FOXO1: variants seen among roughly 807,000 people sequenced by gnomAD.
FOXO1 encodes the protein forkhead box protein O1.
Under a neutral mutation model 44.1 loss-of-function variants are expected in FOXO1, and 6 were observed. That is an observed-to-expected ratio of 0.14 (90% CI 0.07 to 0.27). FOXO1 has a LOEUF of 0.27. FOXO1 is among the 10% of genes least tolerant of loss of function. The pLI is 1.00. For missense variants in FOXO1, 737 were observed against 888.8 expected, an observed-to-expected ratio of 0.83 and a Z score of 2.17; for synonymous variants, 380 against 362.7, an observed-to-expected ratio of 1.05 and a Z score of -0.54.
In FOXO1 at chr13:40,557,263, T is replaced by C. The variant is rs1873791397; in HGVS notation, c.*1786A>G. 3 of 152,192 alleles carry C rather than the reference T, an allele frequency of 2.0e-5. No homozygotes were observed. The highest frequency in any genetic ancestry group is 1.3e-4 in the Admixed American group (2 of 15,280). 9.4% of individuals were successfully genotyped at this position (152,192 alleles called of 1,614,324 possible). On this transcript the variant is annotated 3_prime_UTR_variant, in exon 3 of 3. Transcript: ENST00000379561. ...ACCTGTTCTCTTCATTGTGATGACT[T>C]TGGGCTTTCCACATGACTTGAAAAT...
At position 40,630,743 on chromosome 13, in the gene FOXO1, A is replaced by T. The variant is rs138453303; in HGVS notation, c.630+34840T>A. On this transcript the variant is annotated intron_variant, in intron 1 of 2. Transcript: ENST00000379561. Reference sequence around the variant, plus strand: ...AGCCTAAAACTATTTTTCCCTTCCCATACTGTGAAGACTACAAGCTTTGCC... The same window carrying T: ...AGCCTAAAACTATTTTTCCCTTCCCTTACTGTGAAGACTACAAGCTTTGCC... Among the ~76,000 whole-genome samples the T allele has an allele frequency of 2.0e-3, 304 of 151,844 alleles. 1 individual carries two copies. Among genetic ancestry groups the T allele is most frequent in the African/African-American group, 7.1e-3 (293 of 41,412 alleles).
At chr13:40,650,612 A>G (rs572096992) in intron 1 of FOXO1, among the ~76,000 whole-genome samples, 25 of 152,356 alleles carry the variant, frequency 1.6e-4, no homozygotes, top group African/African-American at 4.8e-4. Flanking sequence ...CTCCTCAAGC[A>G]CAGGGACAGG....
intron 1 of FOXO1, among the ~76,000 whole-genome samples, chr13:40,574,290 G>C (rs1198892847): frequency 6.6e-6 from 1 of 152,190 alleles, no homozygotes; most frequent in Non-Finnish European, 1.5e-5. Context: ...TGGTCCAGTA[G>C]GAAGAGTACT....
chr13:40,629,908 T>C (rs1876906080), intron 1 of FOXO1, among the ~76,000 whole-genome samples: 1 of 152,218 alleles, frequency 6.6e-6, no homozygotes, highest in Non-Finnish European at 1.5e-5. Context: ...GCTAGTAAAG[T>C]GAGCATAAAT....
At chr13:40,631,506 C>T (rs535363217) in intron 1 of FOXO1, among the ~76,000 whole-genome samples, 3 of 152,228 alleles carry the variant, frequency 2.0e-5, no homozygotes, top group South Asian at 2.1e-4. Flanking sequence ...AGGACACCAC[C>T]GTTTGTACAT....
At position 40,558,947 on chromosome 13, in the gene FOXO1, A is replaced by G; in HGVS notation, c.*102T>C. ...TTTTTGTTTTTTTTTTTAACCAAGA[A>G]AACTAAAAGGGAGTTGGTGAAAGAC... On this transcript the variant is annotated 3_prime_UTR_variant, in exon 3 of 3. Coordinates refer to ENST00000379561, the MANE Select transcript of FOXO1 (RefSeq NM_002015.4). 2.5e-6 allele frequency: 1 copy of G among 398,704 alleles called. No individual in the cohort carries two copies. Among genetic ancestry groups the G allele is most frequent in the African/African-American group, 2.1e-5 (1 of 48,664 alleles). The allele number at this position is 398,704 out of a possible 1,614,324, so 24.7% of individuals were successfully genotyped here.
intron 1 of FOXO1, among the ~76,000 whole-genome samples, chr13:40,650,472 C>T (rs891171527): frequency 6.6e-6 from 1 of 152,122 alleles, no homozygotes; most frequent in African/African-American, 2.4e-5. Context: ...GACAAAACTA[C>T]TTTTTAAGAG....
intron 1 of FOXO1, among the ~76,000 whole-genome samples, chr13:40,580,242 T>C (rs1369569231): frequency 2.0e-5 from 3 of 152,174 alleles, no homozygotes; most frequent in Non-Finnish European, 4.4e-5. Context: ...GAAATATATA[T>C]AATGTTTATA....
At chr13:40,594,210 T>C (rs979259533) in intron 1 of FOXO1, among the ~76,000 whole-genome samples, 3 of 152,078 alleles carry the variant, frequency 2.0e-5, no homozygotes, top group Non-Finnish European at 4.4e-5. Context: ...AGTTAATGGA[T>C]AGTGAACAAA....
chr13:40,618,473 C>T (rs1451042825), intron 1 of FOXO1, among the ~76,000 whole-genome samples: 7 of 152,200 alleles, frequency 4.6e-5, no homozygotes, highest in African/African-American at 1.2e-4. Context: ...TTCCACAGAA[C>T]GGGATTGTAT....
chr13:40,644,462 G>A (rs772394053), intron 1 of FOXO1, among the ~76,000 whole-genome samples: 3 of 152,084 alleles, frequency 2.0e-5, no homozygotes, highest in East Asian at 1.9e-4. Context: ...AAGGAGGACC[G>A]ATTAGAAGCC....
chr13:40,653,966 T>C (rs1877768915), intron 1 of FOXO1, among the ~76,000 whole-genome samples: 1 of 151,976 alleles, frequency 6.6e-6, no homozygotes, highest in Non-Finnish European at 1.5e-5. Context: ...GAACAGCAAT[T>C]GAGAAAAACT....
intron 1 of FOXO1, among the ~76,000 whole-genome samples, chr13:40,663,067 G>A (rs1036812681): frequency 1.3e-5 from 2 of 152,164 alleles, no homozygotes; most frequent in African/African-American, 4.8e-5. Flanking sequence ...TAAACCAACT[G>A]ACATTACACC....
chr13:40,645,969 A>G (rs1448665522), intron 1 of FOXO1, among the ~76,000 whole-genome samples: 1 of 151,794 alleles, frequency 6.6e-6, no homozygotes, highest in Non-Finnish European at 1.5e-5. Flanking sequence ...GGTGAGGCTG[A>G]GGCAGGAGAA....
chr13:40,624,317 TAAAAAAA>T (rs10552634), intron 1 of FOXO1, among the ~76,000 whole-genome samples: 2 of 100,952 alleles, frequency 2.0e-5, no homozygotes, highest in African/African-American at 6.8e-5. Flanking sequence ...TAATACTGCT[TAAAAAAA>T]AAAAAAAAAA....
chr13:40,615,528 A>AATACATAC (rs56390235), intron 1 of FOXO1, among the ~76,000 whole-genome samples: 1,658 of 139,786 alleles, frequency 0.012, 25 homozygotes, highest in African/African-American at 0.033. Context: ...CTCCATCTCA[A>AATACATAC]ATACATACAT....
At chr13:40,599,908 A>C (rs1432158569) in intron 1 of FOXO1, among the ~76,000 whole-genome samples, 1 of 152,186 alleles carries the variant, frequency 6.6e-6, no homozygotes, top group Non-Finnish European at 1.5e-5. Context: ...AGCAGAGTGA[A>C]GGAGGAAACT....
Position 40,665,859 on chromosome 13 carries a change from C to T in FOXO1, c.354G>A (p.Leu118=). 1 of 1,129,054 alleles carries T rather than the reference C, an allele frequency of 8.9e-7. No individual in the cohort carries two copies. The allele number at this position is 1,129,054 out of a possible 1,614,324, so 69.9% of individuals were successfully genotyped here. A position where few individuals can be genotyped will look rare whatever the true frequency, so the allele number is the denominator to read the frequency against. ...GCGGGGGCTGCGGTGGCGCTGGGTG[C>T]AGGCAGCCCGCCTCCGGGCCCTGGA... is the stretch of plus-strand genomic sequence containing the variant. ...GDFQGPEAGC[L]HPAPPQPPPP... is the part of the protein sequence containing the mutation. The change falls in exon 1 of 3, where the codon CTG becomes CTA. Residue 118 remains leucine, a synonymous_variant. Transcript: ENST00000379561.
intron 1 of FOXO1, among the ~76,000 whole-genome samples, chr13:40,608,116 A>G (rs1180597491): frequency 6.6e-6 from 1 of 152,238 alleles, no homozygotes; most frequent in Non-Finnish European, 1.5e-5. Flanking sequence ...ACCACCATAT[A>G]ATCTCATAAC....
Sources: gnomAD v4.1 joint callset for allele counts (sites outside exome capture counted in the v4.1 genomes callset) on GRCh38, gnomAD v4.1.1 for gene constraint, MANE v1.5 for transcripts, NCBI Gene and HGNC (gene_info 2026-07-23, HGNC 2026-07-21) for gene names.